Variants in PLCL2 observed in about 807,000 individuals in gnomAD.
PLCL2 encodes phospholipase C like 2.
PLCL2 carries 4 observed loss-of-function variants against 79.6 expected under a neutral mutation model. The ratio of observed to expected loss-of-function variants is 0.05; its 90% CI spans 0.02 to 0.11. The LOEUF (loss-of-function observed/expected upper bound fraction) is 0.11, where lower values mean the gene tolerates loss of function less well. PLCL2 is among the 10% of genes least tolerant of loss of function. The pLI, the probability that PLCL2 is intolerant of heterozygous loss-of-function variation, is 1.00. For synonymous variants in PLCL2, 484 were observed against 457.7 expected, an observed-to-expected ratio of 1.06 and a Z score of -0.73; for missense variants, 895 against 1,291.0, an observed-to-expected ratio of 0.69 and a Z score of 4.70.
In PLCL2 at chr3:17,033,831, A is replaced by G. The variant is rs372181689; in HGVS notation, c.3019-9043A>G. Among the ~76,000 whole-genome samples, 9 of 152,284 alleles carry G rather than the reference A, an allele frequency of 5.9e-5. 1 individual carries two copies. Among genetic ancestry groups the G allele is most frequent in the Admixed American group, 6.5e-5 (1 of 15,290 alleles). Reference sequence around the variant, plus strand: ...TGTAGTATTTTTTCATTCTTTAACCATTTAACATATGCAGAACTGTGATAT... The same window carrying G: ...TGTAGTATTTTTTCATTCTTTAACCGTTTAACATATGCAGAACTGTGATAT... On this transcript the variant is annotated intron_variant, in intron 3 of 5. Coordinates refer to ENST00000615277, the MANE Select transcript of PLCL2 (RefSeq NM_001144382.2).
intron 1 of PLCL2, among the ~76,000 whole-genome samples, chr3:16,920,393 T>C (rs959161568): frequency 1.3e-5 from 2 of 152,156 alleles, no homozygotes; most frequent in Admixed American, 6.5e-5. Context: ...TAGTATTGTA[T>C]AATTCTCAAG....
At chr3:16,904,306 CA>C (rs547582289) in intron 1 of PLCL2, among the ~76,000 whole-genome samples, 50 of 115,976 alleles carry the variant, frequency 4.3e-4, no homozygotes, top group East Asian at 4.9e-4. Context: ...GAGATCTTGA[CA>C]AAAAAAAAAA....
chr3:17,052,989 C>T (rs895196961), intron 4 of PLCL2, among the ~76,000 whole-genome samples: 1 of 152,106 alleles, frequency 6.6e-6, no homozygotes, highest in Non-Finnish European at 1.5e-5. Context: ...AAGTTACATG[C>T]AGATTTTTGA....
At chr3:16,934,328 A>G (rs2124945127) in intron 1 of PLCL2, among the ~76,000 whole-genome samples, 1 of 152,266 alleles carries the variant, frequency 6.6e-6, no homozygotes, top group South Asian at 2.1e-4. Flanking sequence ...ATTGACCCTA[A>G]GGAAGTTCCT....
chr3:17,060,050 A>G (rs541878805), intron 4 of PLCL2, among the ~76,000 whole-genome samples: 1 of 152,180 alleles, frequency 6.6e-6, no homozygotes, highest in African/African-American at 2.4e-5. Context: ...AGACCTCTTT[A>G]TTTCTCGGTG....
At chr3:16,941,003 C>T (rs1478503265) in intron 1 of PLCL2, among the ~76,000 whole-genome samples, 1 of 152,128 alleles carries the variant, frequency 6.6e-6, no homozygotes, top group Non-Finnish European at 1.5e-5. Flanking sequence ...CCTTGGCTTC[C>T]ACCTCTGTAC....
chr3:16,909,992 G>C (rs904769661), intron 1 of PLCL2, among the ~76,000 whole-genome samples: 2 of 152,054 alleles, frequency 1.3e-5, no homozygotes, highest in African/African-American at 4.8e-5. Context: ...CCTGGATCCT[G>C]CCCAAAGCTG....
chr3:16,997,789 C>A (rs1010645585), intron 1 of PLCL2, among the ~76,000 whole-genome samples: 1 of 152,064 alleles, frequency 6.6e-6, no homozygotes, highest in Non-Finnish European at 1.5e-5. Flanking sequence ...CCACCTGCCT[C>A]GGCCTCCCAA....
intron 1 of PLCL2, among the ~76,000 whole-genome samples, chr3:16,967,362 A>G (rs2063817982): frequency 1.3e-5 from 2 of 152,118 alleles, no homozygotes; most frequent in Admixed American, 1.3e-4. Context: ...CAATGGTTGA[A>G]CTAATTTACT....
At chr3:16,993,875 G>T (rs2064127524) in intron 1 of PLCL2, among the ~76,000 whole-genome samples, 1 of 152,150 alleles carries the variant, frequency 6.6e-6, no homozygotes, top group Non-Finnish European at 1.5e-5. Flanking sequence ...ATATAAAATG[G>T]TATAGAGACC....
intron 1 of PLCL2, among the ~76,000 whole-genome samples, chr3:16,913,131 C>T (rs1696919959): frequency 6.6e-6 from 1 of 152,098 alleles, no homozygotes; most frequent in Non-Finnish European, 1.5e-5. Flanking sequence ...TCCAGGACCT[C>T]CCATGTATCA....
chr3:17,007,828 A>G lies in PLCL2; in HGVS notation c.328-1846A>G, dbSNP rs183278483. On this transcript the variant is annotated intron_variant, in intron 1 of 5. Coordinates refer to ENST00000615277, the MANE Select transcript of PLCL2 (RefSeq NM_001144382.2). ...CTTTTCTTTGTCATGAAAGTGATAT[A>G]ATTCCAACTCCCATCCCTATTTCTT... Among the ~76,000 whole-genome samples the G allele has an allele frequency of 7.9e-4, 120 of 152,362 alleles. 3 individuals carry two copies. The highest frequency in any genetic ancestry group is 7.1e-3 in the Admixed American group (108 of 15,302).
At chr3:16,957,130 A>G (rs1190774314) in intron 1 of PLCL2, among the ~76,000 whole-genome samples, 1 of 151,720 alleles carries the variant, frequency 6.6e-6, no homozygotes, top group Admixed American at 6.6e-5. Flanking sequence ...TAGGGTGTCA[A>G]TTTTGGATCT....
intron 4 of PLCL2, among the ~76,000 whole-genome samples, chr3:17,062,929 T>C (rs1049791534): frequency 1.3e-5 from 2 of 152,066 alleles, no homozygotes; most frequent in South Asian, 2.1e-4. Flanking sequence ...GACACCGTCC[T>C]GAATCTGCCT....
At chr3:16,989,054 T>C (rs2064079431) in intron 1 of PLCL2, among the ~76,000 whole-genome samples, 1 of 152,132 alleles carries the variant, frequency 6.6e-6, no homozygotes, top group African/African-American at 2.4e-5. Context: ...AGTTGTAACA[T>C]TGCTTTCTCT....
chr3:17,053,056 G>A (rs541071554), intron 4 of PLCL2, among the ~76,000 whole-genome samples: 1 of 152,232 alleles, frequency 6.6e-6, no homozygotes, highest in African/African-American at 2.4e-5. Flanking sequence ...AATTATATTT[G>A]CAAATGGAAA....
At chr3:16,936,356 T>G (rs1185663557) in intron 1 of PLCL2, among the ~76,000 whole-genome samples, 2 of 152,200 alleles carry the variant, frequency 1.3e-5, no homozygotes, top group African/African-American at 4.8e-5. Flanking sequence ...GTTGTCCACA[T>G]TAGCATGACC....
chr3:17,012,220 T>C lies in PLCL2; in HGVS notation c.2814+60T>C, dbSNP rs181946147. On this transcript the variant is annotated intron_variant, in intron 2 of 5. Transcript: ENST00000615277. ...TTTCCTACTTTGTACATGTCCATAG[T>C]TTATAAATATATTGGTTTTTTAATA... is the stretch of plus-strand genomic sequence containing the variant. 404 of 1,421,948 alleles carry C rather than the reference T, an allele frequency of 2.8e-4. 1 individual carries two copies. The East Asian group carries it at 8.0e-3, about 28-fold the overall frequency. The allele number at this position is 1,421,948 out of a possible 1,614,324, so 88.1% of individuals were successfully genotyped here. A position where few individuals can be genotyped will look rare whatever the true frequency, so the allele number is the denominator to read the frequency against.
chr3:17,012,892 G>GGTGT (rs1360439207), intron 2 of PLCL2, among the ~76,000 whole-genome samples: 1 of 151,978 alleles, frequency 6.6e-6, no homozygotes, highest in Non-Finnish European at 1.5e-5. Flanking sequence ...TGTGAGAAGT[G>GGTGT]GTGTGTGTGT....
Sources: allele counts gnomAD v4.1 joint callset (sites outside exome capture counted in the v4.1 genomes callset), GRCh38; gene constraint gnomAD v4.1.1; transcripts MANE v1.5; gene names NCBI Gene and HGNC (gene_info 2026-07-23, HGNC 2026-07-21).